Variants in COG8 observed in about 807,000 individuals in gnomAD.
The protein encoded by COG8 is conserved oligomeric Golgi complex subunit 8.
Under a neutral mutation model 46.5 loss-of-function variants are expected in COG8, and 45 were observed. The ratio of observed to expected loss-of-function variants is 0.97; its 90% CI spans 0.76 to 1.24. The LOEUF (loss-of-function observed/expected upper bound fraction) is 1.24. COG8 is among the 50% of genes most tolerant of loss of function. The probability of loss-of-function intolerance (pLI) is 0.00; values close to 1 mark genes in which losing one functional copy is unlikely to be tolerated. For missense variants in COG8, 793 were observed against 820.8 expected (o/e 0.97, Z 0.41); for synonymous variants, 407 against 347.8 (o/e 1.17, Z -1.90).
intron 5 of COG8, chr16:69,329,879 C>T: frequency 2.4e-6 from 3 of 1,260,520 alleles, no homozygotes; most frequent in Non-Finnish European, 3.1e-6. Context: ...CTCCCGCATC[C>T]CACTTCGCTC....
chr16:69,336,102 T>C (rs1212129516), intron 2 of COG8, among the ~76,000 whole-genome samples: 2 of 152,202 alleles, frequency 1.3e-5, no homozygotes, highest in Admixed American at 6.5e-5. Flanking sequence ...CCTTCTCATT[T>C]AGGTCTCAGC....
intron 4 of COG8, among the ~76,000 whole-genome samples, chr16:69,331,453 C>CAAAAAAAAA (rs1185929938): frequency 1.6e-5 from 1 of 61,242 alleles, no homozygotes. Flanking sequence ...AACTCCGTCT[C>CAAAAAAAAA]AAAAAAAAAA....
At position 69,339,338 on chromosome 16, in the gene COG8, C is replaced by G. The variant is rs1392466939; in HGVS notation, c.215G>C (p.Arg72Pro). The change falls in exon 1 of 6, where the codon CGG becomes CCG. Residue 72 changes from arginine (R) to proline (P), a missense_variant. Physicochemically the swap from Arg to Pro is moderately radical, Grantham distance 103. Transcript: ENST00000306875. ...RREPERLAEE[R>P]AQLLQQTRDL... The stretch of plus-strand genomic sequence containing the variant: ...GCGCGTCTGCTGCAGCAGCTGCGCC[C>G]GCTCCTCCGCCAGGCGCTCGGGCTC... 6.2e-7 allele frequency: 1 copy of G among 1,603,818 alleles called. No homozygotes were observed. The highest frequency in any genetic ancestry group is 1.7e-5 in the Admixed American group (1 of 59,050).
chr16:69,329,129 C>CT lies in COG8; in HGVS notation c.*76dup, dbSNP rs1257099113. 1.2e-6 allele frequency: 2 copies of CT among 1,608,998 alleles called. No individual in the cohort carries two copies. Among genetic ancestry groups the CT allele is most frequent in the African/African-American group, 1.3e-5 (1 of 74,930 alleles). Reference sequence around the variant, plus strand: ...TCCATCTCGTGCTGGATGATGCGGGCTGCCCACCCGCTCGCCTGCCACACC... The same window carrying CT: ...TCCATCTCGTGCTGGATGATGCGGGCTTGCCCACCCGCTCGCCTGCCACACC... On this transcript the variant is annotated 3_prime_UTR_variant, in exon 6 of 6. Transcript: ENST00000306875.
In COG8 at chr16:69,330,910, G is replaced by A; in HGVS notation, c.1768C>T (p.Pro590Ser). Residue 590 changes from proline to serine, a missense_variant, in exon 5 of 6, where the codon CCC (proline) becomes TCC (serine). Pro to Ser is a moderately conservative substitution (Grantham distance 74, BLOSUM62 -1). Coordinates refer to ENST00000306875, the MANE Select transcript of COG8 (RefSeq NM_032382.5). ...EPPAEEPRLE[P>S]AGPACPEGGR... ...CCCTCCGGGCAGGCTGGGCCCGCGG[G>A]CTCCAGGCGTGGCTCCTCGGCGGGA... The A allele has an allele frequency of 6.4e-7, 1 of 1,554,798 alleles. No individual in the cohort carries two copies. The highest frequency in any genetic ancestry group is 8.7e-7 in the Non-Finnish European group (1 of 1,149,280).
chr16:69,339,125 A>T, intron 1 of COG8, 51 bp downstream of exon 1: 1 of 1,612,038 alleles, frequency 6.2e-7, no homozygotes, highest in Non-Finnish European at 8.5e-7. Context: ...TACCATCGTA[A>T]ATGTCAGCTT....
At position 69,332,815 on chromosome 16, in the gene COG8, A is replaced by T; in HGVS notation, c.1481T>A (p.Leu494His). 1 of 1,614,222 alleles carries T rather than the reference A, an allele frequency of 6.2e-7. No individual in the cohort carries two copies. The highest frequency in any genetic ancestry group is 8.5e-7 in the Non-Finnish European group (1 of 1,180,022). ...GAAGACAGTGCAGAACTGGACAAAG[A>T]GCTCTTGCTCCCCGCTGCTGAAGGC... ...EAAFSSGEQE[L>H]FVQFCTVFLE... is the part of the protein sequence containing the mutation. The change falls in exon 4 of 6, where the codon CTC becomes CAC. Residue 494 changes from leucine to histidine, a missense_variant. Physicochemically the swap from Leu to His is moderately conservative, Grantham distance 99. Transcript: ENST00000306875.
chr16:69,333,491 C>T (rs1351930899), intron 3 of COG8, among the ~76,000 whole-genome samples: 2 of 152,128 alleles, frequency 1.3e-5, no homozygotes, highest in South Asian at 2.1e-4. Flanking sequence ...TTAACTTCCA[C>T]GGAGGACCAA....
At position 69,328,937 on chromosome 16, in the gene COG8, G is replaced by A; in HGVS notation, c.*269C>T. On this transcript the variant is annotated 3_prime_UTR_variant, in exon 6 of 6. Transcript: ENST00000306875. ...TTCCTGTCATATGCGAGCCATCCAA[G>A]TTGATGCCAAGTAAGATTTGCCCAG... is the stretch of plus-strand genomic sequence containing the variant. 1.3e-6 allele frequency: 2 copies of A among 1,529,856 alleles called. No individual in the cohort carries two copies. The highest frequency in any genetic ancestry group is 8.7e-7 in the Non-Finnish European group (1 of 1,143,196). The allele number at this position is 1,529,856 out of a possible 1,614,324, so 94.8% of individuals were successfully genotyped here.
chr16:69,330,021 G>T, intron 5 of COG8: 1 of 1,541,384 alleles, frequency 6.5e-7, no homozygotes, highest in Non-Finnish European at 8.7e-7. Flanking sequence ...GCCTGGAAGC[G>T]GGGCACGCAG....
chr16:69,329,863 T>TC, intron 5 of COG8: 1 of 1,173,916 alleles, frequency 8.5e-7, no homozygotes. Context: ...TCCTGAGGCC[T>TC]CTCCGCTCCC....
Position 69,336,580 on chromosome 16 carries a change from A to G in COG8, c.510T>C (p.Tyr170=), listed in dbSNP as rs770868214. 7 of 1,614,176 alleles carry G rather than the reference A, an allele frequency of 4.3e-6. No individual in the cohort carries two copies. Among genetic ancestry groups the G allele is most frequent in the South Asian group, 2.2e-5 (2 of 91,080 alleles). The change falls in exon 2 of 6, where the codon TAT becomes TAC. Residue 170 remains tyrosine, a synonymous_variant. Transcript: ENST00000306875. Reference sequence around the variant, plus strand: ...CTGCAAGCTCCAGGGCCTCTTCATAATAACTGTTCCGGACACAGGTGTCCA... The same window carrying G: ...CTGCAAGCTCCAGGGCCTCTTCATAGTAACTGTTCCGGACACAGGTGTCCA... ...QLMDTCVRNS[Y]YEEALELAAY...
At position 69,329,124 on chromosome 16, in the gene COG8, G is replaced by C. The variant is rs1196388488; in HGVS notation, c.*82C>G. ...GGTGGTCCATCTCGTGCTGGATGAT[G>C]CGGGCTGCCCACCCGCTCGCCTGCC... On this transcript the variant is annotated 3_prime_UTR_variant, in exon 6 of 6. Transcript: ENST00000306875. The C allele has an allele frequency of 6.2e-7, 1 of 1,610,054 alleles. No individual in the cohort carries two copies. The highest frequency in any genetic ancestry group is 1.7e-5 in the Admixed American group (1 of 59,686).
At position 69,336,584 on chromosome 16, in the gene COG8, C is replaced by T. The variant is rs759115422; in HGVS notation, c.506G>A (p.Ser169Asn). The change falls in exon 2 of 6, where the codon AGT becomes AAT. Residue 169 changes from serine to asparagine, a missense_variant. Transcript: ENST00000306875. Reference sequence around the variant, plus strand: ...AAGCTCCAGGGCCTCTTCATAATAACTGTTCCGGACACAGGTGTCCATGAG... The same window carrying T: ...AAGCTCCAGGGCCTCTTCATAATAATTGTTCCGGACACAGGTGTCCATGAG... ...PQLMDTCVRN[S>N]YYEEALELAA... 3 of 1,614,174 alleles carry T rather than the reference C, an allele frequency of 1.9e-6. No homozygotes were observed. The Admixed American group carries it at 5.0e-5, about 27-fold the overall frequency.
intron 5 of COG8, chr16:69,330,226 C>A: frequency 1.4e-6 from 2 of 1,452,310 alleles, no homozygotes; most frequent in South Asian, 2.8e-5. Flanking sequence ...GCACCCCCAG[C>A]TGCGGCGCGC....
intron 1 of COG8, among the ~76,000 whole-genome samples, chr16:69,337,790 G>C (rs995405221): frequency 6.7e-6 from 1 of 150,160 alleles, no homozygotes; most frequent in African/African-American, 2.5e-5. Flanking sequence ...GGAGTGCAGT[G>C]GCACGCATCA....
chr16:69,329,274 TGACAA>T (rs985864840), intron 5 of COG8, 95 bp from the exon 6 acceptor site: 84 of 1,333,606 alleles, frequency 6.3e-5, no homozygotes, highest in Middle Eastern at 5.4e-4. Flanking sequence ...CTGTTCCCAT[TGACAA>T]GAGGCAACAG....
At position 69,334,743 on chromosome 16, in the gene COG8, G is replaced by A. The variant is rs2143347018; in HGVS notation, c.1191C>T (p.Tyr397=). The change falls in exon 3 of 6, where the codon TAC becomes TAT. Residue 397 remains tyrosine, a synonymous_variant. Coordinates refer to ENST00000306875, the MANE Select transcript of COG8 (RefSeq NM_032382.5). ...GGATGGCTGGAGCCGAGATGAGCATGTAGGAGTTCATTTCTTCCTGGAATT... is the reference window on the plus strand; with the variant it reads ...GGATGGCTGGAGCCGAGATGAGCATATAGGAGTTCATTTCTTCCTGGAATT... The part of the protein sequence containing the change: ...VEKFQEEMNS[Y]MLISAPAILG... 1.9e-6 allele frequency: 3 copies of A among 1,614,160 alleles called. No individual in the cohort carries two copies. The highest frequency in any genetic ancestry group is 2.5e-6 in the Non-Finnish European group (3 of 1,180,042).
intron 1 of COG8, among the ~76,000 whole-genome samples, chr16:69,338,816 C>T (rs1275740168): frequency 6.6e-6 from 1 of 152,170 alleles, no homozygotes; most frequent in Non-Finnish European, 1.5e-5. Flanking sequence ...GCTGAAACCC[C>T]GTCTCTACTA....
Sources: gnomAD v4.1 joint callset for allele counts (sites outside exome capture counted in the v4.1 genomes callset) on GRCh38, gnomAD v4.1.1 for gene constraint, MANE v1.5 for transcripts, NCBI Gene and HGNC (gene_info 2026-07-23, HGNC 2026-07-21) for gene names.